PTPRT: variants seen among roughly 807,000 people sequenced by gnomAD.
PTPRT encodes protein tyrosine phosphatase receptor type T.
In PTPRT, 56 loss-of-function variants were observed where a neutral mutation model predicts 176.8. That is an observed-to-expected ratio of 0.32 (90% CI 0.26 to 0.40). The LOEUF (loss-of-function observed/expected upper bound fraction) is 0.40. Among genes scored for constraint, PTPRT ranks in the 10% least tolerant of loss-of-function variants. The pLI is 1.00. For synonymous variants in PTPRT, 783 were observed against 739.0 expected (o/e 1.06, Z -0.96); for missense variants, 1,540 against 1,908.2 (o/e 0.81, Z 3.60).
chr20:42,790,870 A>G (rs752502908), intron 3 of PTPRT, among the ~76,000 whole-genome samples: 2 of 152,202 alleles, frequency 1.3e-5, no homozygotes, highest in Non-Finnish European at 2.9e-5. Context: ...AAAATAGGCT[A>G]GTACTAGTAC....
intron 7 of PTPRT, among the ~76,000 whole-genome samples, chr20:42,484,907 A>C (rs927121012): frequency 6.6e-6 from 1 of 152,078 alleles, no homozygotes; most frequent in Non-Finnish European, 1.5e-5. Context: ...TAGCTGCCAC[A>C]TTCTGCTTCC....
chr20:42,531,349 T>A (rs1485458779), intron 7 of PTPRT, among the ~76,000 whole-genome samples: 1 of 152,216 alleles, frequency 6.6e-6, no homozygotes, highest in Non-Finnish European at 1.5e-5. Context: ...AAAGGGGTTA[T>A]GAACAGGCAA....
intron 1 of PTPRT, among the ~76,000 whole-genome samples, chr20:43,015,266 G>T (rs56319720): frequency 0.23 from 35,647 of 152,106 alleles, 4,513 homozygotes; most frequent in African/African-American, 0.32. Context: ...TACAAGTTAT[G>T]TACTCTCTCC....
chr20:42,474,596 T>A (rs547327629), intron 7 of PTPRT, among the ~76,000 whole-genome samples: 1 of 152,164 alleles, frequency 6.6e-6, no homozygotes, highest in Admixed American at 6.5e-5. Flanking sequence ...AATGTGACAT[T>A]GAACAAGCTG....
chr20:42,493,849 C>T (rs2071603270), intron 7 of PTPRT, among the ~76,000 whole-genome samples: 1 of 151,938 alleles, frequency 6.6e-6, no homozygotes, highest in Admixed American at 6.6e-5. Flanking sequence ...TTTTCTCTCC[C>T]CAAGCTGCTC....
chr20:42,872,843 G>A (rs2078868500), intron 2 of PTPRT, among the ~76,000 whole-genome samples: 1 of 152,172 alleles, frequency 6.6e-6, no homozygotes, highest in Non-Finnish European at 1.5e-5. Flanking sequence ...GAAGCCCAGA[G>A]AAAGGCAGCT....
At chr20:42,206,369 A>G (rs1448751279) in intron 15 of PTPRT, among the ~76,000 whole-genome samples, 1 of 152,170 alleles carries the variant, frequency 6.6e-6, no homozygotes, top group East Asian at 1.9e-4. Context: ...CATCTGAGGT[A>G]CCGGGTTCAT....
intron 7 of PTPRT, among the ~76,000 whole-genome samples, chr20:42,541,056 C>A (rs1284781380): frequency 3.3e-5 from 5 of 152,164 alleles, no homozygotes; most frequent in Non-Finnish European, 5.9e-5. Flanking sequence ...TTGGAGTCTA[C>A]ACTTGCTCCT....
chr20:42,675,673 G>A (rs968091983), intron 7 of PTPRT, among the ~76,000 whole-genome samples: 1 of 152,210 alleles, frequency 6.6e-6, no homozygotes, highest in Non-Finnish European at 1.5e-5. Context: ...CAGGTTAACT[G>A]AGCAGCACAG....
At chr20:42,906,588 C>T (rs940856667) in intron 1 of PTPRT, among the ~76,000 whole-genome samples, 2 of 152,206 alleles carry the variant, frequency 1.3e-5, no homozygotes, top group Non-Finnish European at 2.9e-5. Context: ...TAAAAGAGCA[C>T]ATGCCCACTG....
intron 1 of PTPRT, among the ~76,000 whole-genome samples, chr20:42,912,166 T>A (rs1457357944): frequency 6.6e-6 from 1 of 152,158 alleles, no homozygotes; most frequent in African/African-American, 2.4e-5. Flanking sequence ...AACACTACTA[T>A]CTGCAATGTA....
chr20:42,635,938 A>T (rs1199425578), intron 7 of PTPRT, among the ~76,000 whole-genome samples: 1 of 152,066 alleles, frequency 6.6e-6, no homozygotes, highest in Non-Finnish European at 1.5e-5. Flanking sequence ...GTTATATATA[A>T]CTCATAAGAA....
At chr20:42,206,566 A>C (rs6030050) in intron 15 of PTPRT, among the ~76,000 whole-genome samples, 1 of 151,958 alleles carries the variant, frequency 6.6e-6, no homozygotes, top group Non-Finnish European at 1.5e-5. Flanking sequence ...AATACTGCGC[A>C]TTTCCGACGG....
intron 1 of PTPRT, among the ~76,000 whole-genome samples, chr20:42,891,029 C>T (rs1424312853): frequency 6.6e-6 from 1 of 152,142 alleles, no homozygotes; most frequent in East Asian, 1.9e-4. Context: ...ATGATTGTGC[C>T]GCCTCCCCAG....
intron 7 of PTPRT, among the ~76,000 whole-genome samples, chr20:42,646,951 G>C (rs2074919035): frequency 7.5e-6 from 1 of 133,326 alleles, no homozygotes; most frequent in Non-Finnish European, 1.5e-5. Context: ...CTGCAGTGCA[G>C]TGGCGTGAAC....
chr20:43,088,363 T>C (rs2011691651), intron 1 of PTPRT, among the ~76,000 whole-genome samples: 2 of 151,786 alleles, frequency 1.3e-5, no homozygotes, highest in African/African-American at 2.4e-5. Context: ...TGTGTGTGTG[T>C]GTGTGTGTGT....
intron 1 of PTPRT, among the ~76,000 whole-genome samples, chr20:42,982,852 C>A (rs1242498439): frequency 6.6e-6 from 1 of 152,224 alleles, no homozygotes; most frequent in African/African-American, 2.4e-5. Flanking sequence ...ACTGCAGGCA[C>A]AATTCCTCTG....
At chr20:42,878,105 C>T (rs1431486532) in intron 2 of PTPRT, among the ~76,000 whole-genome samples, 3 of 152,104 alleles carry the variant, frequency 2.0e-5, no homozygotes, top group South Asian at 2.1e-4. Context: ...AAAACAAATT[C>T]GATAACTTCT....
At chr20:42,698,322 C>T (rs924710694) in intron 6 of PTPRT, among the ~76,000 whole-genome samples, 1 of 152,142 alleles carries the variant, frequency 6.6e-6, no homozygotes, top group Non-Finnish European at 1.5e-5. Context: ...CTGGGCCTCT[C>T]TAAGAAATGA....
Sources: allele counts gnomAD v4.1 joint callset (sites outside exome capture counted in the v4.1 genomes callset), GRCh38; gene constraint gnomAD v4.1.1; transcripts MANE v1.5; gene names NCBI Gene and HGNC (gene_info 2026-07-23, HGNC 2026-07-21).